MBNL1: variants seen among roughly 807,000 people sequenced by gnomAD.
The protein encoded by MBNL1 is muscleblind like splicing regulator 1, also known as muscleblind-like protein 1.
MBNL1 carries 8 observed loss-of-function variants against 42.2 expected under a neutral mutation model. That is an observed-to-expected ratio of 0.19 (90% CI 0.11 to 0.34). The LOEUF (loss-of-function observed/expected upper bound fraction) is 0.34, where lower values mean the gene tolerates loss of function less well. MBNL1 is among the 10% of genes least tolerant of loss of function. The pLI is 1.00. For missense variants in MBNL1, 309 were observed against 495.3 expected, an observed-to-expected ratio of 0.62 and a Z score of 3.57; for synonymous variants, 169 against 173.9, an observed-to-expected ratio of 0.97 and a Z score of 0.22.
intron 2 of MBNL1, among the ~76,000 whole-genome samples, chr3:152,322,842 C>T (rs970992285): frequency 6.6e-6 from 1 of 152,060 alleles, no homozygotes; most frequent in Non-Finnish European, 1.5e-5. Flanking sequence ...TGTATAGACT[C>T]TTAACAAGGC....
chr3:152,445,611 A>G, intron 5 of MBNL1, 72 bp downstream of exon 5: 2 of 1,474,120 alleles, frequency 1.4e-6, no homozygotes, highest in Non-Finnish European at 1.8e-6. Flanking sequence ...TCTGACTACA[A>G]GCTATTCATT....
intron 2 of MBNL1, among the ~76,000 whole-genome samples, chr3:152,375,591 A>C (rs1486907826): frequency 6.6e-6 from 1 of 152,206 alleles, no homozygotes; most frequent in Non-Finnish European, 1.5e-5. Flanking sequence ...GGTCTTCTTC[A>C]CATGTTTGGT....
intron 5 of MBNL1, among the ~76,000 whole-genome samples, chr3:152,446,947 A>G (rs1199405648): frequency 1.3e-5 from 2 of 152,228 alleles, no homozygotes; most frequent in Non-Finnish European, 2.9e-5. Flanking sequence ...GATGGATATC[A>G]TACAATAAAA....
chr3:152,335,548 C>T (rs2089310623), intron 2 of MBNL1, among the ~76,000 whole-genome samples: 1 of 152,114 alleles, frequency 6.6e-6, no homozygotes, highest in African/African-American at 2.4e-5. Context: ...TTTTGACTTG[C>T]CCTACAGTGA....
intron 2 of MBNL1, among the ~76,000 whole-genome samples, chr3:152,257,795 GT>G (rs2035659771): frequency 6.6e-6 from 1 of 152,122 alleles, no homozygotes; most frequent in African/African-American, 2.4e-5. Flanking sequence ...CTCTGGCGGA[GT>G]AAAAAAAAAT....
At chr3:152,446,262 A>AT (rs1245777224) in intron 5 of MBNL1, among the ~76,000 whole-genome samples, 1 of 152,000 alleles carries the variant, frequency 6.6e-6, no homozygotes. Flanking sequence ...TAATGTTGTC[A>AT]TTTTTTTACA....
intron 1 of MBNL1, among the ~76,000 whole-genome samples, chr3:152,273,340 A>G (rs973227996): frequency 6.6e-6 from 1 of 152,028 alleles, no homozygotes; most frequent in African/African-American, 2.4e-5. Context: ...AAACGTTTAT[A>G]TAAGCATTAC....
chr3:152,406,661 C>G (rs1395245510), intron 2 of MBNL1, among the ~76,000 whole-genome samples: 1 of 152,050 alleles, frequency 6.6e-6, no homozygotes, highest in African/African-American at 2.4e-5. Flanking sequence ...AAAAAAAAGT[C>G]ATAGTATCCC....
In MBNL1 at chr3:152,319,676, A is replaced by G. The variant is rs2075160223; in HGVS notation, c.174+19309A>G. ...AGACTCTCCAAAAAAATGCATGTGTATACATTATGCTTATTATAAAATTTA... is the reference window on the plus strand; with the variant it reads ...AGACTCTCCAAAAAAATGCATGTGTGTACATTATGCTTATTATAAAATTTA... On this transcript the variant is annotated intron_variant, in intron 2 of 9. Transcript: ENST00000324210. 1.7e-5 allele frequency among the ~76,000 whole-genome samples: 2 copies of G among 117,170 alleles called. 1 individual carries two copies. Among genetic ancestry groups the G allele is most frequent in the South Asian group, 5.4e-4 (2 of 3,670 alleles). The allele number at this position is 117,170 out of a possible 152,430, so 76.9% of individuals were successfully genotyped here.
chr3:152,376,773 T>C (rs1310878415), intron 2 of MBNL1, among the ~76,000 whole-genome samples: 1 of 151,128 alleles, frequency 6.6e-6, no homozygotes, highest in African/African-American at 2.4e-5. Context: ...GCACTCTCTC[T>C]ATATATATAC....
chr3:152,441,479 C>A (rs895806291), intron 4 of MBNL1, among the ~76,000 whole-genome samples: 3 of 152,030 alleles, frequency 2.0e-5, no homozygotes, highest in Non-Finnish European at 4.4e-5. Context: ...CTGGAACTCA[C>A]AATTTTTGAC....
At chr3:152,439,485 G>A (rs2099119400) in intron 4 of MBNL1, among the ~76,000 whole-genome samples, 1 of 152,092 alleles carries the variant, frequency 6.6e-6, no homozygotes, top group South Asian at 2.1e-4. Context: ...CTGCTTGTGT[G>A]ACTTTTTTTA....
chr3:152,366,458 C>A (rs2096378232), intron 2 of MBNL1, among the ~76,000 whole-genome samples: 1 of 152,096 alleles, frequency 6.6e-6, no homozygotes, highest in Non-Finnish European at 1.5e-5. Context: ...TAATGTGATA[C>A]CCTCAGCACT....
At chr3:152,416,821 A>G (rs903674032) in intron 3 of MBNL1, among the ~76,000 whole-genome samples, 6 of 152,248 alleles carry the variant, frequency 3.9e-5, no homozygotes, top group African/African-American at 1.4e-4. Context: ...AGTAACAAAT[A>G]TATTGTTCGT....
At chr3:152,256,894 C>T (rs2149461451) in intron 2 of MBNL1, among the ~76,000 whole-genome samples, 1 of 152,240 alleles carries the variant, frequency 6.6e-6, no homozygotes, top group South Asian at 2.1e-4. Context: ...TGAGTGTGTA[C>T]TAGAAGGATG....
At chr3:152,393,940 A>G (rs938695066) in intron 2 of MBNL1, among the ~76,000 whole-genome samples, 13 of 152,324 alleles carry the variant, frequency 8.5e-5, no homozygotes, top group Admixed American at 8.5e-4. Context: ...TCTGAGAACT[A>G]TACTGAAAAA....
intron 2 of MBNL1, among the ~76,000 whole-genome samples, chr3:152,306,426 C>T (rs2063161731): frequency 6.6e-6 from 1 of 152,038 alleles, no homozygotes; most frequent in South Asian, 2.1e-4. Context: ...GCAATGTGGC[C>T]ACTGCAGTGC....
chr3:152,254,670 C>T (rs1312935018), intron 2 of MBNL1, among the ~76,000 whole-genome samples: 1 of 151,842 alleles, frequency 6.6e-6, no homozygotes, highest in Non-Finnish European at 1.5e-5. Flanking sequence ...TATGTATTAA[C>T]ATATAACTAA....
chr3:152,447,854 A>G (rs1713195972), intron 6 of MBNL1, 81 bp downstream of exon 6: 17 of 1,315,540 alleles, frequency 1.3e-5, no homozygotes, highest in Non-Finnish European at 1.8e-5. Flanking sequence ...CCACACCCCA[A>G]GTTTGTTTGT....
Sources: allele counts gnomAD v4.1 joint callset (sites outside exome capture counted in the v4.1 genomes callset), GRCh38; gene constraint gnomAD v4.1.1; transcripts MANE v1.5; gene names NCBI Gene and HGNC (gene_info 2026-07-23, HGNC 2026-07-21).